The following ANO4 variants were observed in gnomAD, a reference collection of about 807,000 sequenced individuals.
The protein encoded by ANO4 is anoctamin-4.
A neutral mutation model predicts 141.9 loss-of-function variants in ANO4; 69 were observed. The observed-to-expected ratio is 0.49, with a 90% CI of 0.40 to 0.59. The LOEUF (loss-of-function observed/expected upper bound fraction) is 0.59, where lower values mean the gene tolerates loss of function less well. Among genes scored for constraint, ANO4 ranks in the 20% least tolerant of loss-of-function variants. The probability of loss-of-function intolerance (pLI) is 0.00; values close to 1 mark genes in which losing one functional copy is unlikely to be tolerated. For missense variants in ANO4, 894 were observed against 1,162.2 expected (o/e 0.77, Z 3.36); for synonymous variants, 350 against 394.3 (o/e 0.89, Z 1.33).
intron 3 of ANO4, among the ~76,000 whole-genome samples, chr12:100,752,973 G>A (rs2032451026): frequency 6.6e-6 from 1 of 152,128 alleles, no homozygotes; most frequent in South Asian, 2.1e-4. Flanking sequence ...GGAGTTGGCT[G>A]GCTCTTGGCT....
chr12:101,082,264 A>G (rs979101591), intron 15 of ANO4, among the ~76,000 whole-genome samples: 2 of 152,184 alleles, frequency 1.3e-5, no homozygotes, highest in African/African-American at 4.8e-5. Context: ...GCCTGCCACC[A>G]TGTAAGATGT....
chr12:101,077,099 G>A (rs770177764), intron 14 of ANO4, among the ~76,000 whole-genome samples: 11 of 152,200 alleles, frequency 7.2e-5, no homozygotes, highest in African/African-American at 1.4e-4. Flanking sequence ...CTTTCTCCCT[G>A]AAACTCTGGA....
intron 5 of ANO4, among the ~76,000 whole-genome samples, chr12:100,946,068 C>A (rs2042707869): frequency 6.6e-6 from 1 of 152,094 alleles, no homozygotes; most frequent in Non-Finnish European, 1.5e-5. Flanking sequence ...CTCTTTTCCA[C>A]AGAAAGAGAA....
In ANO4 at chr12:101,128,396, T is replaced by C. The variant is rs2051414712; in HGVS notation, c.*540T>C. 2 of 152,644 alleles carry C rather than the reference T, an allele frequency of 1.3e-5. No homozygotes were observed. The highest frequency in any genetic ancestry group is 4.1e-4 in the South Asian group (2 of 4,830). 9.5% of individuals were successfully genotyped at this position (152,644 alleles called of 1,614,324 possible). A position where few individuals can be genotyped will look rare whatever the true frequency, so the allele number is the denominator to read the frequency against. ...ATTATATATGACATATCTATAGCTA[T>C]GTGTATGGCCATAGATGTATTTCTG... On this transcript the variant is annotated 3_prime_UTR_variant, in exon 28 of 28. Transcript: ENST00000392977.
At chr12:100,894,971 AAAAAAAAAAAG>A (rs1269663521) in intron 1 of ANO4, among the ~76,000 whole-genome samples, 23 of 151,124 alleles carry the variant, frequency 1.5e-4, no homozygotes, top group African/African-American at 5.6e-4. Context: ...ATCTCAAAAA[AAAAAAAAAAAG>A]AAAAAGAAAA....
intron 1 of ANO4, among the ~76,000 whole-genome samples, chr12:100,892,808 A>G (rs1056167502): frequency 2.7e-5 from 4 of 150,182 alleles, no homozygotes; most frequent in African/African-American, 7.3e-5. Flanking sequence ...AATATTTTCT[A>G]TCCGAGGTTG....
intron 1 of ANO4, among the ~76,000 whole-genome samples, chr12:100,878,396 T>C (rs1200618846): frequency 6.6e-6 from 1 of 152,200 alleles, no homozygotes; most frequent in African/African-American, 2.4e-5. Context: ...CTCTTTGCCT[T>C]CTCTATCCAT....
intron 8 of ANO4, among the ~76,000 whole-genome samples, chr12:101,015,661 G>A (rs1016930639): frequency 6.6e-5 from 10 of 152,178 alleles, no homozygotes; most frequent in Non-Finnish European, 1.2e-4. Context: ...GGTATGTAGT[G>A]AAGATATATG....
intron 2 of ANO4, among the ~76,000 whole-genome samples, chr12:100,919,674 G>C (rs1386036186): frequency 5.5e-5 from 7 of 128,064 alleles, no homozygotes; most frequent in African/African-American, 1.1e-4. Flanking sequence ...ATGTCTCTGT[G>C]TGTGTGTGTG....
rs562187428 is a variant in ANO4 at position 100,727,897 on chromosome 12, A to G, written c.23-5877A>G. Reference sequence around the variant, plus strand: ...CTGCTGTTTTAATAATTGCCCTTGTACTTTTACTTCAATCTTACTTAACAA... The same window carrying G: ...CTGCTGTTTTAATAATTGCCCTTGTGCTTTTACTTCAATCTTACTTAACAA... On this transcript the variant is annotated intron_variant, in intron 1 of 29. Transcript: ENST00000644049. Among the ~76,000 whole-genome samples the G allele has an allele frequency of 2.4e-4, 36 of 152,268 alleles. No homozygotes were observed. In the East Asian group the frequency reaches 6.4e-3, roughly 27 times the overall value.
intron 3 of ANO4, among the ~76,000 whole-genome samples, chr12:100,927,642 A>G (rs2041927732): frequency 6.6e-6 from 1 of 152,102 alleles, no homozygotes; most frequent in Non-Finnish European, 1.5e-5. Context: ...ACTGTGAAGC[A>G]TGTCATTCAA....
At chr12:100,932,165 G>A (rs866159066) in intron 3 of ANO4, among the ~76,000 whole-genome samples, 43 of 152,046 alleles carry the variant, frequency 2.8e-4, no homozygotes, top group African/African-American at 9.4e-4. Context: ...CTTCTTCAAT[G>A]ACCTGTAATT....
chr12:101,101,262 C>A (rs765986727), intron 22 of ANO4, among the ~76,000 whole-genome samples: 11 of 152,132 alleles, frequency 7.2e-5, no homozygotes, highest in Non-Finnish European at 1.5e-4. Context: ...TTGTTATTCT[C>A]CATTTAAATG....
At chr12:101,127,702 A>G (rs2137088780) in intron 27 of ANO4, among the ~76,000 whole-genome samples, 159 bp from the exon 28 acceptor site, 1 of 152,360 alleles carries the variant, frequency 6.6e-6, no homozygotes, top group East Asian at 1.9e-4. Flanking sequence ...CTGTTCACCC[A>G]TAAAGCAAGC....
chr12:100,960,663 A>C (rs11110597), intron 5 of ANO4, among the ~76,000 whole-genome samples: 4,699 of 152,064 alleles, frequency 0.031, 225 homozygotes, highest in East Asian at 0.22. Flanking sequence ...TTGCTTCCTC[A>C]CTAGCAGAAG....
Position 100,796,478 on chromosome 12 carries a change from TTTG to T in ANO4, c.-141+1460_-141+1462del, listed in dbSNP as rs908451981. ...CTTCTCTGGGTCCAAAGTAGATGCGTTTGTTGTTGTTCTGTTTTTGTTTGTTTT... is the reference window on the plus strand; with the variant it reads ...CTTCTCTGGGTCCAAAGTAGATGCGTTTGTTGTTCTGTTTTTGTTTGTTTT... On this transcript the variant is annotated intron_variant, in intron 1 of 27. Coordinates refer to ENST00000392977, the MANE Select transcript of ANO4 (RefSeq NM_001286615.2). Among the ~76,000 whole-genome samples the T allele has an allele frequency of 2.3e-4, 35 of 152,222 alleles. 1 individual carries two copies. The highest frequency in any genetic ancestry group is 7.9e-4 in the African/African-American group (33 of 41,540).
intron 5 of ANO4, among the ~76,000 whole-genome samples, chr12:100,950,007 C>A (rs1290144498): frequency 6.6e-6 from 1 of 152,172 alleles, no homozygotes; most frequent in East Asian, 1.9e-4. Context: ...AGACTTCCTG[C>A]CCAAATTACC....
intron 1 of ANO4, among the ~76,000 whole-genome samples, chr12:100,814,983 A>G (rs2035650810): frequency 6.6e-6 from 1 of 152,076 alleles, no homozygotes; most frequent in Non-Finnish European, 1.5e-5. Context: ...AGATTTTATC[A>G]TGGATCAGGT....
rs552331845 is a variant in ANO4 at position 101,012,702 on chromosome 12, T to A, written c.735-7332T>A. Among the ~76,000 whole-genome samples the A allele has an allele frequency of 4.5e-3, 683 of 152,238 alleles. 2 individuals carry two copies. Among genetic ancestry groups the A allele is most frequent in the African/African-American group, 8.8e-3 (366 of 41,534 alleles). On this transcript the variant is annotated intron_variant, in intron 8 of 27. Coordinates refer to ENST00000392977, the MANE Select transcript of ANO4 (RefSeq NM_001286615.2). The stretch of plus-strand genomic sequence containing the variant: ...AGCATAAGATCTTATTCATTTTTTT[T>A]AAAAAATCATTGTGGTTGCTGTGTA...
Sources: gnomAD v4.1 joint callset for allele counts (sites outside exome capture counted in the v4.1 genomes callset) on GRCh38, gnomAD v4.1.1 for gene constraint, MANE v1.5 for transcripts, NCBI Gene and HGNC (gene_info 2026-07-23, HGNC 2026-07-21) for gene names.